MYLK: variants seen among roughly 807,000 people sequenced by gnomAD.
The protein encoded by MYLK is myosin light chain kinase.
Under a neutral mutation model 203.4 loss-of-function variants are expected in MYLK, and 106 were observed. The observed-to-expected ratio is 0.52, with a 90% CI of 0.45 to 0.61. MYLK has a LOEUF of 0.61. Among genes scored for constraint, MYLK ranks in the 20% least tolerant of loss-of-function variants. The pLI is 0.00. For synonymous variants in MYLK, 867 were observed against 959.5 expected, an observed-to-expected ratio of 0.90 and a Z score of 1.78; for missense variants, 2,072 against 2,442.3, an observed-to-expected ratio of 0.85 and a Z score of 3.20.
chr3:123,630,613 T>A (rs967300954), intron 29 of MYLK: 4 of 152,212 alleles, frequency 2.6e-5, no homozygotes, highest in African/African-American at 9.7e-5. Context: ...TATACTATCC[T>A]AACATTTCTG....
chr3:123,652,465 G>C (rs572581767), intron 24 of MYLK, among the ~76,000 whole-genome samples: 2 of 152,322 alleles, frequency 1.3e-5, no homozygotes, highest in South Asian at 4.1e-4. Context: ...CACAAGTCCA[G>C]TCAGTCCCCT....
intron 5 of MYLK, 131 bp from the exon 6 acceptor site, chr3:123,740,132 C>A: frequency 2.3e-6 from 2 of 855,936 alleles, no homozygotes; most frequent in Non-Finnish European, 2.0e-6. Flanking sequence ...TGGGCTGTGT[C>A]ACTATGGATA....
intron 20 of MYLK, among the ~76,000 whole-genome samples, chr3:123,671,792 G>A (rs938879668): frequency 1.3e-5 from 2 of 152,058 alleles, no homozygotes; most frequent in Non-Finnish European, 2.9e-5. Flanking sequence ...AGACACTAGA[G>A]GGAAGAGCAC....
chr3:123,696,346 T>C (rs946933134), intron 18 of MYLK, among the ~76,000 whole-genome samples: 3 of 152,072 alleles, frequency 2.0e-5, no homozygotes, highest in Non-Finnish European at 4.4e-5. Flanking sequence ...TGAATCTTGT[T>C]TGTAGCAGAG....
intron 3 of MYLK, among the ~76,000 whole-genome samples, chr3:123,812,877 T>TCAGGGTCACACCAATTCTG (rs1390745646): frequency 1.3e-5 from 2 of 152,188 alleles, no homozygotes; most frequent in Non-Finnish European, 2.9e-5. Flanking sequence ...ATTGGGGCAC[T>TCAGGGTCACACCAATTCTG]CAGGGTCACA....
intron 19 of MYLK, among the ~76,000 whole-genome samples, chr3:123,687,615 C>CCTTCCTTCCT (rs1560073592): frequency 4.7e-5 from 7 of 150,152 alleles, no homozygotes; most frequent in African/African-American, 1.7e-4. Context: ...TTCCTACCTT[C>CCTTCCTTCCT]ATTCCTTCCT....
chr3:123,841,090 T>A (rs73857531), intron 2 of MYLK, among the ~76,000 whole-genome samples: 2 of 152,090 alleles, frequency 1.3e-5, no homozygotes, highest in African/African-American at 4.8e-5. Flanking sequence ...CAGATTTCTA[T>A]TGAATAAAAG....
chr3:123,753,746 A>C (rs2063278903), intron 4 of MYLK, among the ~76,000 whole-genome samples: 2 of 152,234 alleles, frequency 1.3e-5, no homozygotes, highest in African/African-American at 4.8e-5. Context: ...TCACTAATGC[A>C]CAGCCAAGGA....
chr3:123,768,252 G>A (rs184640116), intron 4 of MYLK, among the ~76,000 whole-genome samples: 18 of 152,334 alleles, frequency 1.2e-4, no homozygotes, highest in Admixed American at 1.3e-4. Context: ...CCAGGGTCAG[G>A]GTCCCCTTTC....
intron 4 of MYLK, among the ~76,000 whole-genome samples, chr3:123,760,711 T>C (rs910987755): frequency 1.3e-5 from 2 of 152,182 alleles, no homozygotes; most frequent in African/African-American, 4.8e-5. Flanking sequence ...TACACAACTT[T>C]CATTCTTATA....
intron 12 of MYLK, 72 bp from the exon 13 acceptor site, chr3:123,722,352 G>GCAGCCCTGCTGA: frequency 1.4e-6 from 2 of 1,404,228 alleles, no homozygotes; most frequent in Non-Finnish European, 2.0e-6. Flanking sequence ...GTCCTCAGCA[G>GCAGCCCTGCTGA]GGCTGCTGCT....
At chr3:123,696,307 G>A (rs1287876826) in intron 18 of MYLK, among the ~76,000 whole-genome samples, 1 of 152,136 alleles carries the variant, frequency 6.6e-6, no homozygotes, top group Non-Finnish European at 1.5e-5. Flanking sequence ...CCAAAGGTGG[G>A]TGACAACAGG....
intron 18 of MYLK, among the ~76,000 whole-genome samples, chr3:123,697,384 G>A (rs2060973548): frequency 6.6e-6 from 1 of 152,232 alleles, no homozygotes; most frequent in Admixed American, 6.5e-5. Flanking sequence ...AACCTGGCAA[G>A]GCTAGGGGCA....
intron 4 of MYLK, among the ~76,000 whole-genome samples, chr3:123,756,494 G>A (rs2063363772): frequency 6.6e-6 from 1 of 152,142 alleles, no homozygotes; most frequent in Non-Finnish European, 1.5e-5. Context: ...TTCTTGGGTT[G>A]TAATTCCTTC....
intron 3 of MYLK, among the ~76,000 whole-genome samples, chr3:123,814,750 T>C (rs1050146087): frequency 2.0e-5 from 3 of 152,180 alleles, no homozygotes; most frequent in African/African-American, 4.8e-5. Flanking sequence ...TCCAATTTCA[T>C]TAAAACAAAC....
At chr3:123,848,354 T>C (rs2030307530) in intron 2 of MYLK, among the ~76,000 whole-genome samples, 1 of 152,080 alleles carries the variant, frequency 6.6e-6, no homozygotes, top group African/African-American at 2.4e-5. Flanking sequence ...TTCCTTCTAC[T>C]TTTCCAAAGG....
intron 24 of MYLK, among the ~76,000 whole-genome samples, chr3:123,653,730 G>T (rs2059293523): frequency 6.6e-6 from 1 of 152,100 alleles, no homozygotes; most frequent in Admixed American, 6.5e-5. Flanking sequence ...ACCCCTGGGG[G>T]CCACACCTTG....
At chr3:123,792,232 A>G (rs2064808930) in intron 4 of MYLK, among the ~76,000 whole-genome samples, 1 of 152,268 alleles carries the variant, frequency 6.6e-6, no homozygotes, top group Non-Finnish European at 1.5e-5. Context: ...TTTATGTCTC[A>G]GAAGCAGTAT....
intron 31 of MYLK, chr3:123,624,266 A>G (rs1202023023): frequency 6.6e-6 from 1 of 151,716 alleles, no homozygotes; most frequent in African/African-American, 2.4e-5. Context: ...TTGAGACTGC[A>G]GTAAGCTATG....
Sources: gnomAD v4.1 joint callset for allele counts (sites outside exome capture counted in the v4.1 genomes callset) on GRCh38, gnomAD v4.1.1 for gene constraint, MANE v1.5 for transcripts, NCBI Gene and HGNC (gene_info 2026-07-23, HGNC 2026-07-21) for gene names.